The following TENM4 variants were observed in gnomAD, a reference collection of about 807,000 sequenced individuals.
TENM4 encodes the protein teneurin-4.
A neutral mutation model predicts 243.3 loss-of-function variants in TENM4; 82 were observed. That is an observed-to-expected ratio of 0.34 (90% CI 0.28 to 0.40). The LOEUF (loss-of-function observed/expected upper bound fraction) is 0.40, where lower values mean the gene tolerates loss of function less well. Ranked by LOEUF, TENM4 falls within the 10% of genes least tolerant of loss-of-function variation. TENM4 has a pLI of 1.00. For missense variants in TENM4, 3,138 were observed against 3,673.3 expected, an observed-to-expected ratio of 0.85 and a Z score of 3.77; for synonymous variants, 1,412 against 1,456.3, an observed-to-expected ratio of 0.97 and a Z score of 0.69.
chr11:78,991,102 G>A (rs1454976734), intron 6 of TENM4, among the ~76,000 whole-genome samples: 1 of 152,132 alleles, frequency 6.6e-6, no homozygotes, highest in Non-Finnish European at 1.5e-5. Context: ...TGTATGTGGA[G>A]CTGTGTGCAG....
intron 7 of TENM4, among the ~76,000 whole-genome samples, chr11:78,895,801 C>T (rs1318866869): frequency 6.6e-6 from 1 of 152,180 alleles, no homozygotes; most frequent in Non-Finnish European, 1.5e-5. Flanking sequence ...GCCCAGCATA[C>T]AGGAAAAATT....
intron 6 of TENM4, among the ~76,000 whole-genome samples, chr11:78,934,101 T>G (rs1432322439): frequency 6.6e-6 from 1 of 152,124 alleles, no homozygotes; most frequent in East Asian, 1.9e-4. Flanking sequence ...GTCATCCAGT[T>G]GACAAAAATA....
At chr11:78,936,526 T>G (rs1215440487) in intron 6 of TENM4, among the ~76,000 whole-genome samples, 4 of 152,212 alleles carry the variant, frequency 2.6e-5, no homozygotes, top group Non-Finnish European at 4.4e-5. Context: ...ATAATGCTAA[T>G]CACTGGAAAA....
At chr11:79,188,767 C>T (rs1220547755) in intron 3 of TENM4, among the ~76,000 whole-genome samples, 1 of 152,056 alleles carries the variant, frequency 6.6e-6, no homozygotes, top group Non-Finnish European at 1.5e-5. Flanking sequence ...GGTCTGTCCA[C>T]ACTTGTCCAG....
Position 79,148,720 on chromosome 11 carries a change from ATCT to A in TENM4, c.-79_-77del, listed in dbSNP as rs1379957588. On this transcript the variant is annotated 5_prime_UTR_variant, in exon 4 of 34. Transcript: ENST00000278550. Reference sequence around the variant, plus strand: ...AAAAAATCAACTCACTTTTCTTTAAATCTTCTTAAAAGGGTCTAAGAATAGTCC... The same window carrying A: ...AAAAAATCAACTCACTTTTCTTTAAATCTTAAAAGGGTCTAAGAATAGTCC... 1 of 961,604 alleles carries A rather than the reference ATCT, an allele frequency of 1.0e-6. No individual in the cohort carries two copies. Among genetic ancestry groups the A allele is most frequent in the Non-Finnish European group, 1.2e-6 (1 of 808,204 alleles). 59.6% of individuals were successfully genotyped at this position (961,604 alleles called of 1,614,324 possible).
At chr11:78,804,098 A>G (rs968374977) in intron 15 of TENM4, among the ~76,000 whole-genome samples, 1 of 152,238 alleles carries the variant, frequency 6.6e-6, no homozygotes, top group African/African-American at 2.4e-5. Flanking sequence ...ACACAACATA[A>G]TGAGCTAATC....
intron 6 of TENM4, among the ~76,000 whole-genome samples, chr11:78,946,199 C>T (rs1856999082): frequency 6.6e-6 from 1 of 152,214 alleles, no homozygotes; most frequent in African/African-American, 2.4e-5. Flanking sequence ...ACTCTCTTGT[C>T]AGGGGCTAAT....
At chr11:78,755,704 G>C (rs1233551260) in intron 19 of TENM4, among the ~76,000 whole-genome samples, 3 of 152,134 alleles carry the variant, frequency 2.0e-5, no homozygotes, top group Admixed American at 2.0e-4. Flanking sequence ...GCATTCAAGC[G>C]GGAGACTCCT....
intron 6 of TENM4, among the ~76,000 whole-genome samples, chr11:78,943,169 C>T (rs1244146082): frequency 6.6e-6 from 1 of 152,224 alleles, no homozygotes; most frequent in Non-Finnish European, 1.5e-5. Flanking sequence ...TTTGCTCAGA[C>T]AGCAAACGCA....
intron 6 of TENM4, 72 bp from the exon 7 acceptor site, chr11:78,903,595 G>T (rs1288809075): frequency 6.5e-7 from 1 of 1,534,424 alleles, no homozygotes; most frequent in African/African-American, 1.4e-5. Flanking sequence ...CAGCCACGGA[G>T]GTCTGAGCAA....
chr11:78,750,558 C>T (rs12278608), intron 19 of TENM4, among the ~76,000 whole-genome samples: 3,477 of 152,302 alleles, frequency 0.023, 145 homozygotes, highest in African/African-American at 0.08. Context: ...GTAGGAGAGG[C>T]AGCTCTCATG....
intron 4 of TENM4, among the ~76,000 whole-genome samples, chr11:79,072,484 CAAAA>C (rs10550784): frequency 3.4e-5 from 5 of 148,106 alleles, no homozygotes. Flanking sequence ...GACCCTGTCT[CAAAA>C]AAAAAAAAAA....
chr11:79,259,801 G>A (rs1325415586), intron 2 of TENM4, among the ~76,000 whole-genome samples: 1 of 152,184 alleles, frequency 6.6e-6, no homozygotes, highest in Non-Finnish European at 1.5e-5. Flanking sequence ...GTACCAGCAA[G>A]CAATTAAAAG....
chr11:78,664,570 A>G (rs533427631), intron 32 of TENM4, among the ~76,000 whole-genome samples: 1 of 152,292 alleles, frequency 6.6e-6, no homozygotes, highest in African/African-American at 2.4e-5. Flanking sequence ...CACTCACAGA[A>G]GATTTTCTCT....
At chr11:78,900,847 C>G (rs113536843) in intron 7 of TENM4, among the ~76,000 whole-genome samples, 2,556 of 152,256 alleles carry the variant, frequency 0.017, 88 homozygotes, top group African/African-American at 0.058. Flanking sequence ...CCTCCTAAAC[C>G]GTGCCTTGTT....
At chr11:78,840,638 C>G (rs1858236964) in intron 12 of TENM4, among the ~76,000 whole-genome samples, 1 of 152,212 alleles carries the variant, frequency 6.6e-6, no homozygotes, top group African/African-American at 2.4e-5. Flanking sequence ...TTCCCCCAAA[C>G]AGAGATTCTT....
chr11:79,034,903 CT>C (rs1309978976), intron 6 of TENM4, among the ~76,000 whole-genome samples: 1 of 152,186 alleles, frequency 6.6e-6, no homozygotes, highest in African/African-American at 2.4e-5. Context: ...TCAAAACTGG[CT>C]TTCACACTGT....
intron 3 of TENM4, among the ~76,000 whole-genome samples, chr11:79,200,315 G>C (rs1295023198): frequency 6.6e-6 from 1 of 152,210 alleles, no homozygotes; most frequent in East Asian, 1.9e-4. Flanking sequence ...CACATAGTGG[G>C]GAGAGCTAGA....
At chr11:78,847,217 A>G (rs1478599045) in intron 12 of TENM4, among the ~76,000 whole-genome samples, 2 of 152,224 alleles carry the variant, frequency 1.3e-5, no homozygotes, top group African/African-American at 4.8e-5. Context: ...TTATCTGTAT[A>G]CCAAATGCCT....
Sources: gnomAD v4.1 joint callset for allele counts (sites outside exome capture counted in the v4.1 genomes callset) on GRCh38, gnomAD v4.1.1 for gene constraint, MANE v1.5 for transcripts, NCBI Gene and HGNC (gene_info 2026-07-23, HGNC 2026-07-21) for gene names.